The following EIF4G3 variants were observed in gnomAD, a reference collection of about 807,000 sequenced individuals.
The protein encoded by EIF4G3 is eIF-4-gamma 3.
A neutral mutation model predicts 186.4 loss-of-function variants in EIF4G3; 34 were observed. The observed-to-expected ratio is 0.18, with a 90% CI of 0.14 to 0.24. EIF4G3 has a LOEUF of 0.24. Ranked by LOEUF, EIF4G3 falls within the 10% of genes least tolerant of loss-of-function variation. EIF4G3 has a pLI of 1.00. For missense variants in EIF4G3, 1,536 were observed against 1,948.5 expected (o/e 0.79, Z 3.99); for synonymous variants, 673 against 679.5 (o/e 0.99, Z 0.15).
intron 2 of EIF4G3, among the ~76,000 whole-genome samples, chr1:21,160,107 CAA>C (rs34145998): frequency 9.6e-5 from 11 of 114,102 alleles, no homozygotes; most frequent in Admixed American, 8.6e-5. Flanking sequence ...AACTCCATCT[CAA>C]AAAAAAAAAA....
chr1:20,971,013 T>C (rs2075783699), intron 11 of EIF4G3, among the ~76,000 whole-genome samples: 2 of 152,190 alleles, frequency 1.3e-5, no homozygotes, highest in African/African-American at 4.8e-5. Context: ...AGAATAATCA[T>C]TAAGATGTGC....
chr1:21,138,677 G>A lies in EIF4G3; in HGVS notation c.-272+37498C>T, dbSNP rs531160234. 1.4e-4 allele frequency among the ~76,000 whole-genome samples: 21 copies of A among 152,110 alleles called. No individual in the cohort carries two copies. In the South Asian group the frequency reaches 4.4e-3, roughly 32 times the overall value. On this transcript the variant is annotated intron_variant, in intron 2 of 36. Transcript: ENST00000602326. ...TACTAAAAATATAGCCAGGCATGAT[G>A]GCACACGCCTGTAATCCCAGCTACT... is the stretch of plus-strand genomic sequence containing the variant.
rs10916868 is a variant in EIF4G3 at position 20,815,335 on chromosome 1, T to A, written c.4515+2057A>T. 3.0e-5 allele frequency among the ~76,000 whole-genome samples: 3 copies of A among 100,628 alleles called. 1 individual carries two copies. Among genetic ancestry groups the A allele is most frequent in the African/African-American group, 1.1e-4 (3 of 27,220 alleles). 66.0% of individuals were successfully genotyped at this position (100,628 alleles called of 152,430 possible). A position where few individuals can be genotyped will look rare whatever the true frequency, so the allele number is the denominator to read the frequency against. On this transcript the variant is annotated intron_variant, in intron 34 of 36. Transcript: ENST00000602326. ...CCAGCCGCCATCCCATCTAGGAAGTTAGGAGCGTCTCTGCCCGGCTGCCAT... is the reference window on the plus strand; with the variant it reads ...CCAGCCGCCATCCCATCTAGGAAGTAAGGAGCGTCTCTGCCCGGCTGCCAT...
chr1:20,908,883 C>T (rs906945969), intron 14 of EIF4G3, among the ~76,000 whole-genome samples: 3 of 152,186 alleles, frequency 2.0e-5, no homozygotes, highest in Non-Finnish European at 4.4e-5. Context: ...GGCGCAGTGG[C>T]TCACGTCTGT....
At chr1:20,881,164 T>C (rs1410326707) in intron 19 of EIF4G3, among the ~76,000 whole-genome samples, 3 of 152,130 alleles carry the variant, frequency 2.0e-5, no homozygotes, top group African/African-American at 7.2e-5. Context: ...AGTCTAGAAA[T>C]AGATGCACAC....
intron 12 of EIF4G3, among the ~76,000 whole-genome samples, chr1:20,964,991 C>T (rs940955842): frequency 1.1e-4 from 16 of 152,190 alleles, no homozygotes; most frequent in Non-Finnish European, 2.2e-4. Context: ...CTGCTGTCTT[C>T]AGAGCTCCCC....
At chr1:21,063,705 TG>T (rs59671548) in intron 3 of EIF4G3, among the ~76,000 whole-genome samples, 26,215 of 45,290 alleles carry the variant, frequency 0.58, 4,938 homozygotes, top group Middle Eastern at 0.68. Flanking sequence ...CTTTTCATTT[TG>T]GGGGGGGGGG....
intron 3 of EIF4G3, among the ~76,000 whole-genome samples, chr1:21,060,810 C>T (rs1048201608): frequency 2.7e-5 from 4 of 149,052 alleles, no homozygotes; most frequent in African/African-American, 9.9e-5. Flanking sequence ...AAAAACAAAG[C>T]TACTGCAATC....
chr1:20,871,934 G>A (rs537032631), intron 20 of EIF4G3, among the ~76,000 whole-genome samples: 65 of 150,292 alleles, frequency 4.3e-4, no homozygotes, highest in Non-Finnish European at 6.4e-4. Context: ...AGTGATTCTC[G>A]TGCCTCAGCC....
chr1:20,855,391 C>A (rs752821728), intron 25 of EIF4G3, among the ~76,000 whole-genome samples: 1 of 152,114 alleles, frequency 6.6e-6, no homozygotes, highest in Non-Finnish European at 1.5e-5. Flanking sequence ...GTACAATACC[C>A]ATTAATTTTA....
intron 2 of EIF4G3, among the ~76,000 whole-genome samples, chr1:21,158,190 T>G (rs2097696677): frequency 6.7e-6 from 1 of 149,110 alleles, no homozygotes; most frequent in African/African-American, 2.5e-5. Context: ...TTTTTTTTTT[T>G]TTTGAGGCAA....
intron 2 of EIF4G3, among the ~76,000 whole-genome samples, chr1:21,148,651 G>A (rs1012015804): frequency 2.0e-5 from 3 of 148,440 alleles, no homozygotes; most frequent in Non-Finnish European, 4.4e-5. Context: ...GCAGTGAGCC[G>A]AGATCGCGCC....
chr1:20,947,704 G>A (rs1050028781), intron 13 of EIF4G3, among the ~76,000 whole-genome samples: 1 of 152,178 alleles, frequency 6.6e-6, no homozygotes, highest in Non-Finnish European at 1.5e-5. Context: ...AGTAATTCCA[G>A]AGCATTAGTT....
intron 2 of EIF4G3, among the ~76,000 whole-genome samples, chr1:21,133,736 T>A (rs2097193607): frequency 6.6e-6 from 1 of 152,178 alleles, no homozygotes; most frequent in Non-Finnish European, 1.5e-5. Context: ...CTGTTTAAAT[T>A]CAAAGGCCAC....
intron 4 of EIF4G3, among the ~76,000 whole-genome samples, chr1:21,034,512 T>C (rs1034960989): frequency 1.3e-5 from 2 of 152,220 alleles, no homozygotes; most frequent in African/African-American, 4.8e-5. Flanking sequence ...TGCCATTCTA[T>C]CAACCAAACT....
intron 2 of EIF4G3, chr1:21,175,616 G>A (rs2098085833): frequency 6.6e-6 from 1 of 152,144 alleles, no homozygotes; most frequent in East Asian, 1.9e-4. Flanking sequence ...AAATTATCCA[G>A]AGGAACTGCT....
At chr1:21,098,771 C>T (rs916330129) in intron 2 of EIF4G3, among the ~76,000 whole-genome samples, 4 of 151,986 alleles carry the variant, frequency 2.6e-5, no homozygotes, top group Admixed American at 1.3e-4. Context: ...CCAGCTCAAC[C>T]TGTAACTGGT....
chr1:20,855,922 T>C (rs1200779986), intron 25 of EIF4G3, among the ~76,000 whole-genome samples: 1 of 152,246 alleles, frequency 6.6e-6, no homozygotes, highest in Non-Finnish European at 1.5e-5. Flanking sequence ...GTTGGAGGTT[T>C]GATACCAGCA....
chr1:20,960,094 T>C (rs1239468449), intron 12 of EIF4G3, among the ~76,000 whole-genome samples: 1 of 152,200 alleles, frequency 6.6e-6, no homozygotes, highest in Admixed American at 6.5e-5. Context: ...TGAAAACGTA[T>C]GTTTATAGCA....
Sources: gnomAD v4.1 joint callset for allele counts (sites outside exome capture counted in the v4.1 genomes callset) on GRCh38, gnomAD v4.1.1 for gene constraint, MANE v1.5 for transcripts, NCBI Gene and HGNC (gene_info 2026-07-23, HGNC 2026-07-21) for gene names.